The following BCORL1 variants were observed in gnomAD, a reference collection of about 807,000 sequenced individuals.
BCORL1 encodes BCL6 corepressor like 1.
A neutral mutation model predicts 87.6 loss-of-function variants in BCORL1; 7 were observed. The ratio of observed to expected loss-of-function variants is 0.08; its 90% CI spans 0.05 to 0.15. BCORL1 has a LOEUF of 0.15. BCORL1 is among the 10% of genes least tolerant of loss of function. BCORL1 has a pLI of 1.00. For missense variants in BCORL1, 1,215 were observed against 1,499.7 expected (o/e 0.81, Z 3.13); for synonymous variants, 591 against 634.4 (o/e 0.93, Z 1.03).
chrX:129,980,676 G>C (rs888266418), upstream of BCORL1, among the ~76,000 whole-genome samples: 8 of 110,903 alleles, frequency 7.2e-5, no homozygotes, highest in Non-Finnish European at 1.3e-4. Flanking sequence ...GGACCGAATC[G>C]GGGACTCCGG....
Position 130,056,037 on chromosome X carries a change from C to T in BCORL1, c.5259C>T (p.Ser1753=), listed in dbSNP as rs746767694. Residue 1753 remains serine, a synonymous_variant, in exon 14 of 14, where the codon TCC becomes TCT. Transcript: ENST00000540052. ...AERPGGLDDR[S]PPGSSETVEL... is the part of the protein sequence containing the mutation. ...GGCCTGGAGGCTTGGACGACAGATC[C>T]CCCCCAGGCTCCTCTGAGACTGTGG... 5 of 1,210,445 alleles carry T rather than the reference C, an allele frequency of 4.1e-6. No individual in the cohort carries two copies. The highest frequency in any genetic ancestry group is 3.5e-5 in the South Asian group (2 of 56,855).
chrX:129,983,575 G>A (rs942224665), intron 1 of BCORL1, among the ~76,000 whole-genome samples: 2 of 108,533 alleles, frequency 1.8e-5, no homozygotes, highest in Non-Finnish European at 3.9e-5. Context: ...GTACCCCTAG[G>A]TGGCGGCGGG....
intron 1 of BCORL1, among the ~76,000 whole-genome samples, chrX:129,985,181 C>G (rs769572821): frequency 2.3e-4 from 26 of 111,900 alleles, no homozygotes; most frequent in Non-Finnish European, 3.8e-4. Flanking sequence ...AAAAGCACGC[C>G]GTTGAGTTAC....
intron 1 of BCORL1, among the ~76,000 whole-genome samples, chrX:129,986,826 A>G (rs901870039): frequency 2.8e-5 from 3 of 108,077 alleles, no homozygotes; most frequent in African/African-American, 1.1e-4. Context: ...CTCAAAAACA[A>G]AAACAAAAAA....
intron 1 of BCORL1, among the ~76,000 whole-genome samples, chrX:129,985,493 T>G (rs372067427): frequency 2.9e-4 from 32 of 111,389 alleles, no homozygotes; most frequent in East Asian, 1.1e-3. Context: ...ATAACCTAAT[T>G]TTAAGAATCA....
intron 11 of BCORL1, 67 bp downstream of exon 11, chrX:130,039,349 A>G: frequency 8.6e-7 from 1 of 1,156,861 alleles, no homozygotes; most frequent in Non-Finnish European, 1.2e-6. Flanking sequence ...ACTTGTGAGG[A>G]CATCCTCTTC....
At chrX:129,989,656 G>A (rs1926942454) in intron 1 of BCORL1, among the ~76,000 whole-genome samples, 2 of 103,580 alleles carry the variant, frequency 1.9e-5, no homozygotes, top group Admixed American at 2.1e-4. Context: ...TAGTAGAGAC[G>A]GGGTTTCACC....
intron 11 of BCORL1, among the ~76,000 whole-genome samples, chrX:130,041,397 G>A (rs758933796): frequency 9.1e-6 from 1 of 110,465 alleles, no homozygotes; most frequent in South Asian, 3.8e-4. Flanking sequence ...TTTTTGGCGC[G>A]ATCTTGGCTC....
intron 1 of BCORL1, among the ~76,000 whole-genome samples, chrX:130,001,179 C>T (rs917426980): frequency 9.0e-6 from 1 of 111,383 alleles, no homozygotes; most frequent in Non-Finnish European, 1.9e-5. Context: ...CAACCTCCGC[C>T]TCCCAGGTTC....
intron 2 of BCORL1, among the ~76,000 whole-genome samples, chrX:130,006,022 A>AC (rs1928463041): frequency 9.0e-6 from 1 of 111,309 alleles, no homozygotes; most frequent in African/African-American, 3.3e-5. Context: ...TGGAAGAAAG[A>AC]TGGTTTTATT....
At chrX:130,043,520 C>T (rs1931471363) in intron 11 of BCORL1, among the ~76,000 whole-genome samples, 1 of 108,740 alleles carries the variant, frequency 9.2e-6, no homozygotes, top group South Asian at 3.9e-4. Flanking sequence ...AAGCTTTTCC[C>T]TCCACTGCTC....
rs764641742 is a variant in BCORL1, at chrX:130,028,663, C to T, written c.4107C>T (p.Ser1369=). The change falls in exon 8 of 14, where the codon TCC becomes TCT. Residue 1369 remains serine (S), a synonymous_variant. Transcript: ENST00000540052. ...TAAAGGCCCGTAAGCAGAAGACTTC[C>T]TCCTCCCAAAGTTTGGAGCACCGCC... is the stretch of plus-strand genomic sequence containing the variant. ...ADLKARKQKT[S]SSQSLEHRLR... The T allele has an allele frequency of 2.5e-6, 3 of 1,210,630 alleles. No individual in the cohort carries two copies. The Admixed American group carries it at 6.5e-5, about 26-fold the overall frequency.
chrX:130,008,848 C>T (rs1014590701), intron 2 of BCORL1, among the ~76,000 whole-genome samples: 2 of 112,235 alleles, frequency 1.8e-5, no homozygotes, highest in African/African-American at 3.2e-5. Context: ...CATGGGCTTG[C>T]GGCTGGCCCC....
chrX:130,016,192 C>T lies in BCORL1; in HGVS notation c.3420C>T (p.Val1140=). The T allele has an allele frequency of 8.3e-7, 1 of 1,204,026 alleles. No individual in the cohort carries two copies. ...TCCAGCCACAAGCCAAGGCCGTGGT[C>T]CGGAGTTCCCACAGACCCAAGGTGA... ...QQLQPQAKAV[V]RSSHRPKCRK... is the part of the protein sequence containing the mutation. Residue 1140 remains valine (V), a synonymous_variant, in exon 4 of 14, where the codon GTC becomes GTT. Coordinates refer to ENST00000540052, the MANE Select transcript of BCORL1 (RefSeq NM_001379451.1).
upstream of BCORL1, chrX:129,981,441 G>T (rs565581095): frequency 9.0e-6 from 1 of 110,972 alleles, no homozygotes; most frequent in African/African-American, 3.3e-5. Flanking sequence ...GCTTCGAGTC[G>T]CATGGACATT....
At chrX:130,006,214 C>A (rs1313729745) in intron 2 of BCORL1, among the ~76,000 whole-genome samples, 1 of 111,160 alleles carries the variant, frequency 9.0e-6, no homozygotes, top group East Asian at 2.8e-4. Context: ...GTTATCTGTT[C>A]CCCAGAATAT....
chrX:130,001,884 C>T (rs75920277), intron 1 of BCORL1, among the ~76,000 whole-genome samples: 1 of 109,886 alleles, frequency 9.1e-6, no homozygotes, highest in Non-Finnish European at 1.9e-5. Context: ...ATCGAACTGG[C>T]GCTTTAGAAG....
At chrX:130,046,702 A>G (rs1931775483) in intron 11 of BCORL1, among the ~76,000 whole-genome samples, 1 of 110,961 alleles carries the variant, frequency 9.0e-6, no homozygotes, top group African/African-American at 3.3e-5. Context: ...GCCCACCACC[A>G]CACCCGGCTA....
chrX:130,016,687 C>T (rs749685536), intron 4 of BCORL1, among the ~76,000 whole-genome samples: 1 of 111,939 alleles, frequency 8.9e-6, no homozygotes, highest in Non-Finnish European at 1.9e-5. Flanking sequence ...TTAGGATTTG[C>T]TGGGAGCCTT....
Sources: allele counts gnomAD v4.1 joint callset (sites outside exome capture counted in the v4.1 genomes callset), GRCh38; gene constraint gnomAD v4.1.1; transcripts MANE v1.5; gene names NCBI Gene and HGNC (gene_info 2026-07-23, HGNC 2026-07-21).